Variants in MEI1 observed in about 807,000 individuals in gnomAD.
The protein encoded by MEI1 is meiosis inhibitor protein 1.
In MEI1, 103 loss-of-function variants were observed where a neutral mutation model predicts 146.2. The ratio of observed to expected loss-of-function variants is 0.70; its 90% CI spans 0.60 to 0.83. The LOEUF (loss-of-function observed/expected upper bound fraction) is 0.83, where lower values mean the gene tolerates loss of function less well. Ranked by LOEUF, MEI1 falls within the 40% of genes least tolerant of loss-of-function variation. MEI1 has a pLI of 0.00. For missense variants in MEI1, 1,529 were observed against 1,533.0 expected, an observed-to-expected ratio of 1.00 and a Z score of 0.04; for synonymous variants, 652 against 628.2, an observed-to-expected ratio of 1.04 and a Z score of -0.57.
chr22:41,722,344 C>A (rs1304357831), intron 6 of MEI1, among the ~76,000 whole-genome samples: 3 of 152,086 alleles, frequency 2.0e-5, no homozygotes, highest in Non-Finnish European at 2.9e-5. Context: ...ATTGCCCAGG[C>A]TGAAGTACAG....
intron 3 of MEI1, chr22:41,709,428 T>C (rs2069359824): frequency 1.3e-5 from 9 of 693,074 alleles, no homozygotes; most frequent in Non-Finnish European, 2.4e-5. Context: ...TTCTCTGTGG[T>C]TCGTCCTTCA....
At chr22:41,754,264 G>A (rs984518275) in intron 17 of MEI1, among the ~76,000 whole-genome samples, 4 of 152,092 alleles carry the variant, frequency 2.6e-5, no homozygotes, top group African/African-American at 9.7e-5. Context: ...GCACCTTAGA[G>A]TTGAGAAGGA....
chr22:41,725,849 C>G (rs2071291762), intron 7 of MEI1, among the ~76,000 whole-genome samples: 1 of 152,210 alleles, frequency 6.6e-6, no homozygotes, highest in Admixed American at 6.5e-5. Context: ...AGGGCAAAAC[C>G]TGAGTCTGGC....
At chr22:41,787,635 G>A (rs1045372751) in intron 26 of MEI1, among the ~76,000 whole-genome samples, 2 of 152,168 alleles carry the variant, frequency 1.3e-5, no homozygotes, top group African/African-American at 4.8e-5. Context: ...AGGAGGGCCA[G>A]TTAGGGAAAT....
chr22:41,725,041 G>C (rs1762687368), intron 7 of MEI1, among the ~76,000 whole-genome samples: 1 of 151,882 alleles, frequency 6.6e-6, no homozygotes, highest in Non-Finnish European at 1.5e-5. Flanking sequence ...GGGCTCAAGT[G>C]ATTCTCCCAC....
rs761533571 is a variant in MEI1, at chr22:41,746,095, C to T, written c.1680+69C>T. On this transcript the variant is annotated intron_variant, in intron 14 of 30. Transcript: ENST00000401548. ...GAAGAATGTGCAGGCGAGCCAGGCT[C>T]AGAGGCATAAGGCAGTGACTGCTCA... 4 of 1,463,888 alleles carry T rather than the reference C, an allele frequency of 2.7e-6. No homozygotes were observed. In the South Asian group the frequency reaches 4.1e-5, roughly 15 times the overall value. 90.7% of individuals were successfully genotyped at this position (1,463,888 alleles called of 1,614,324 possible). A position where few individuals can be genotyped will look rare whatever the true frequency, so the allele number is the denominator to read the frequency against.
At chr22:41,700,101 G>A (rs111230830) in intron 1 of MEI1, among the ~76,000 whole-genome samples, 2 of 150,332 alleles carry the variant, frequency 1.3e-5, no homozygotes, top group Non-Finnish European at 2.9e-5. Flanking sequence ...TCAGCCTCCC[G>A]CCATTTCAGC....
At chr22:41,755,347 A>G (rs73163304) in intron 17 of MEI1, among the ~76,000 whole-genome samples, 7 of 152,054 alleles carry the variant, frequency 4.6e-5, no homozygotes, top group East Asian at 3.9e-4. Flanking sequence ...GCTCTCTTTT[A>G]TCTTTCCCAG....
chr22:41,725,219 C>T (rs578111911), intron 7 of MEI1, among the ~76,000 whole-genome samples: 3 of 152,098 alleles, frequency 2.0e-5, no homozygotes, highest in South Asian at 2.1e-4. Flanking sequence ...TCAAGCAATT[C>T]TCCTGCCTCA....
chr22:41,700,079 G>GCTCCCGCCATTTCAGC (rs371356258), intron 1 of MEI1, among the ~76,000 whole-genome samples: 18 of 152,190 alleles, frequency 1.2e-4, no homozygotes, highest in East Asian at 1.2e-3. Flanking sequence ...CTTAGCTCAG[G>GCTCCCGCCATTTCAGC]CTCCCGCCAT....
At chr22:41,736,029 T>A (rs2072331468) in intron 11 of MEI1, among the ~76,000 whole-genome samples, 1 of 152,190 alleles carries the variant, frequency 6.6e-6, no homozygotes, top group South Asian at 2.1e-4. Flanking sequence ...TCAGTATCAC[T>A]GAAATGAAAT....
intron 6 of MEI1, among the ~76,000 whole-genome samples, chr22:41,718,837 G>A (rs1170115714): frequency 6.6e-6 from 1 of 151,978 alleles, no homozygotes; most frequent in African/African-American, 2.4e-5. Flanking sequence ...GAGGGCAAGA[G>A]AAAAAGCTAG....
At chr22:41,708,471 G>A (rs2069272372) in intron 3 of MEI1, among the ~76,000 whole-genome samples, 2 of 151,552 alleles carry the variant, frequency 1.3e-5, no homozygotes, top group Non-Finnish European at 2.9e-5. Context: ...AAACAGTCAT[G>A]GTATTTCAGG....
chr22:41,736,242 TTTTTTC>T (rs1381767352), intron 11 of MEI1, among the ~76,000 whole-genome samples: 1 of 138,962 alleles, frequency 7.2e-6, no homozygotes, highest in Non-Finnish European at 1.5e-5. Context: ...AATTTTTTTC[TTTTTTC>T]TTTTTCTTTT....
chr22:41,792,382 C>T (rs1248399752), intron 26 of MEI1, among the ~76,000 whole-genome samples: 2 of 152,204 alleles, frequency 1.3e-5, no homozygotes, highest in Non-Finnish European at 2.9e-5. Context: ...GTCAAAGCCC[C>T]TGCCCAGCCT....
chr22:41,782,612 G>A (rs73428930), intron 24 of MEI1, among the ~76,000 whole-genome samples: 2,446 of 152,260 alleles, frequency 0.016, 61 homozygotes, highest in African/African-American at 0.055. Flanking sequence ...ATCTAGTGAT[G>A]GGCACACAGA....
In MEI1 at chr22:41,744,117, G is replaced by A. The variant is rs141826792; in HGVS notation, c.1447-856G>A. 1.4e-3 allele frequency among the ~76,000 whole-genome samples: 212 copies of A among 151,516 alleles called. 2 individuals are homozygous for A. The highest frequency in any genetic ancestry group is 4.9e-3 in the African/African-American group (202 of 41,280). ...GTCTCGAACTCCTGACCTCCACCTC[G>A]GCCTCCTAAAGTTCTGGGATTACAG... On this transcript the variant is annotated intron_variant, in intron 12 of 30. Coordinates refer to ENST00000401548, the MANE Select transcript of MEI1 (RefSeq NM_152513.4).
intron 11 of MEI1, among the ~76,000 whole-genome samples, chr22:41,735,943 C>A (rs185910996): frequency 6.6e-6 from 1 of 152,336 alleles, no homozygotes; most frequent in African/African-American, 2.4e-5. Context: ...CCTATTGCTA[C>A]AGGACCAGAT....
At position 41,784,424 on chromosome 22, in the gene MEI1, T is replaced by C. The variant is rs1418328432; in HGVS notation, c.3169+4T>C. The C allele has an allele frequency of 6.2e-7, 1 of 1,613,822 alleles. No individual in the cohort carries two copies. Among genetic ancestry groups the C allele is most frequent in the South Asian group, 1.1e-5 (1 of 91,078 alleles). ...AAAAAGGCTGCACTACTCTCAGGTA[T>C]GGGTCCACAAGTCTCCAGCAGAAGA... On this transcript the variant is annotated splice_donor_region_variant and intron_variant, in intron 25 of 30. Coordinates refer to ENST00000401548, the MANE Select transcript of MEI1 (RefSeq NM_152513.4).
Sources: allele counts gnomAD v4.1 joint callset (sites outside exome capture counted in the v4.1 genomes callset), GRCh38; gene constraint gnomAD v4.1.1; transcripts MANE v1.5; gene names NCBI Gene and HGNC (gene_info 2026-07-23, HGNC 2026-07-21).